The following SUN2 variants were observed in gnomAD, a reference collection of about 807,000 sequenced individuals.
The protein encoded by SUN2 is SUN domain-containing protein 2.
In SUN2, 60 loss-of-function variants were observed where a neutral mutation model predicts 100.0. The observed-to-expected ratio is 0.60, with a 90% CI of 0.49 to 0.74. The LOEUF is 0.74. SUN2 is among the 30% of genes least tolerant of loss of function. SUN2 has a pLI of 0.00. For missense variants in SUN2, 834 were observed against 954.6 expected (o/e 0.87, Z 1.66); for synonymous variants, 367 against 403.3 (o/e 0.91, Z 1.08).
intron 1 of SUN2, among the ~76,000 whole-genome samples, chr22:38,752,903 T>C (rs563275530): frequency 4.6e-5 from 7 of 152,376 alleles, no homozygotes; most frequent in Admixed American, 4.6e-4. Context: ...TTCGTGACTC[T>C]GGAGCCTCTT....
At position 38,735,028 on chromosome 22, in the gene SUN2, CTG is replaced by C. The variant is rs1331408902; in HGVS notation, c.*1237_*1238del. The C allele has an allele frequency of 3.4e-6, 1 of 295,614 alleles. No homozygotes were observed. Among genetic ancestry groups the C allele is most frequent in the South Asian group, 2.7e-5 (1 of 37,102 alleles). 18.3% of individuals were successfully genotyped at this position (295,614 alleles called of 1,614,324 possible). On this transcript the variant is annotated 3_prime_UTR_variant, in exon 18 of 18. Transcript: ENST00000689035. Reference sequence around the variant, plus strand: ...CCTCTCCACGGCCAGGAACAAGAAACTGAGTATCACCCAGTGCCCCACAGAAC... The same window carrying C: ...CCTCTCCACGGCCAGGAACAAGAAACAGTATCACCCAGTGCCCCACAGAAC...
At chr22:38,742,160 A>T in intron 9 of SUN2, 141 bp downstream of exon 9, 2 of 1,096,710 alleles carry the variant, frequency 1.8e-6, no homozygotes, top group Non-Finnish European at 2.5e-6. Context: ...AAAAAAAAAA[A>T]GAAAAAAAGA....
At chr22:38,754,870 G>A (rs1278281496) in intron 1 of SUN2, 4 of 1,289,252 alleles carry the variant, frequency 3.1e-6, no homozygotes, top group African/African-American at 1.5e-5. Flanking sequence ...TCTTTCCTGC[G>A]GCATCCTGGC....
In SUN2 at chr22:38,739,489, T is replaced by C; in HGVS notation, c.1579-63A>G. 1 of 1,581,484 alleles carries C rather than the reference T, an allele frequency of 6.3e-7. No individual in the cohort carries two copies. The highest frequency in any genetic ancestry group is 8.7e-7 in the Non-Finnish European group (1 of 1,155,938). On this transcript the variant is annotated intron_variant, in intron 13 of 17. Transcript: ENST00000689035. This position sits in a 1 kb window ranked among gnomAD's most constrained non-coding sequence, Gnocchi z 6.7. ...GCAGACGTGTCCCCCTGTCACCTCGTGGCCGTGGGCCAAGGACCCATGGGC... is the reference window on the plus strand; with the variant it reads ...GCAGACGTGTCCCCCTGTCACCTCGCGGCCGTGGGCCAAGGACCCATGGGC...
intron 9 of SUN2, 83 bp downstream of exon 9, chr22:38,742,218 A>G (rs1402519711): frequency 6.7e-7 from 1 of 1,489,106 alleles, no homozygotes; most frequent in Non-Finnish European, 9.0e-7. Flanking sequence ...CCCAAATGAC[A>G]CTTGTTCTCT....
Position 38,755,117 on chromosome 22 carries a change from A to G in SUN2, c.-38+646T>C. ...TTTCTCAATTCCGCCCTTCCCCATCACAAACATCTCCATCCATCTTCAGAC... is the reference window on the plus strand; with the variant it reads ...TTTCTCAATTCCGCCCTTCCCCATCGCAAACATCTCCATCCATCTTCAGAC... On this transcript the variant is annotated intron_variant, in intron 1 of 17. Transcript: ENST00000689035. The surrounding 1 kb of genome is among the most constrained non-coding windows in gnomAD (Gnocchi z 5.7). 1 of 979,762 alleles carries G rather than the reference A, an allele frequency of 1.0e-6. No homozygotes were observed. The highest frequency in any genetic ancestry group is 1.3e-6 in the Non-Finnish European group (1 of 748,412). 60.7% of individuals were successfully genotyped at this position (979,762 alleles called of 1,614,324 possible).
Position 38,736,345 on chromosome 22 carries a change from C to A in SUN2, c.2076G>T (p.Leu692=), listed in dbSNP as rs772316195. The A allele has an allele frequency of 6.2e-7, 1 of 1,613,880 alleles. No homozygotes were observed. The highest frequency in any genetic ancestry group is 2.2e-5 in the East Asian group (1 of 44,882). ...PTMATYQVVE[L]RILTNWGHPE... ...GGTGGCCCCAGTTAGTCAGGATCCGCAGCTCCACCACCTGGTACGTGGCCA... is the reference window on the plus strand; with the variant it reads ...GGTGGCCCCAGTTAGTCAGGATCCGAAGCTCCACCACCTGGTACGTGGCCA... The change falls in exon 18 of 18, where the codon CTG becomes CTT. Residue 692 remains leucine (L), a synonymous_variant. Transcript: ENST00000689035.
intron 10 of SUN2, 112 bp downstream of exon 10, chr22:38,741,382 T>A: frequency 8.9e-7 from 1 of 1,123,192 alleles, no homozygotes; most frequent in Non-Finnish European, 1.3e-6. Context: ...GGCACTCCCC[T>A]CCCCATGCAA....
At chr22:38,747,346 AAAG>A (rs1370339708) in intron 7 of SUN2, among the ~76,000 whole-genome samples, 27 of 152,038 alleles carry the variant, frequency 1.8e-4, no homozygotes, top group East Asian at 5.8e-4. Flanking sequence ...AAAAAAAAAA[AAAG>A]AAGAAGAATC....
At position 38,738,544 on chromosome 22, in the gene SUN2, C is replaced by T; in HGVS notation, c.1947+43G>A. The T allele has an allele frequency of 1.3e-6, 2 of 1,591,912 alleles. No homozygotes were observed. Among genetic ancestry groups the T allele is most frequent in the Admixed American group, 3.4e-5 (2 of 59,104 alleles). The stretch of plus-strand genomic sequence containing the variant: ...TCCTCAGTAGAGAGGCCCACAGGAT[C>T]CCCCTGCAGCCCCTCTGGCCCCACC... On this transcript the variant is annotated intron_variant, in intron 16 of 17. Transcript: ENST00000689035. The surrounding 1 kb of genome is among the most constrained non-coding windows in gnomAD (Gnocchi z 6.6).
intron 8 of SUN2, 95 bp from the exon 9 acceptor site, chr22:38,742,650 G>T: frequency 6.8e-7 from 1 of 1,463,284 alleles, no homozygotes; most frequent in South Asian, 1.3e-5. Flanking sequence ...GAAAGAAAGG[G>T]AAAAGATTCC....
Position 38,740,953 on chromosome 22 carries a change from G to A in SUN2, c.1190+54C>T. ...GCTCTGCTCCCCAGTCCTGCCTGGA[G>A]AGTGGGTGGGGCTGGGGAGGAGCAG... On this transcript the variant is annotated intron_variant, in intron 11 of 17. Transcript: ENST00000689035. This position sits in a 1 kb window ranked among gnomAD's most constrained non-coding sequence, Gnocchi z 4.8. 2 of 1,538,172 alleles carry A rather than the reference G, an allele frequency of 1.3e-6. No homozygotes were observed.
At chr22:38,747,481 A>G (rs1157006900) in intron 7 of SUN2, among the ~76,000 whole-genome samples, 1 of 152,270 alleles carries the variant, frequency 6.6e-6, no homozygotes, top group Admixed American at 6.5e-5. Flanking sequence ...TAATAAAAGA[A>G]ATACAAGTTG....
rs8136768 is a variant in SUN2, at chr22:38,742,610, C to T, written c.814-55G>A. 2,990 of 1,555,910 alleles carry T rather than the reference C, an allele frequency of 1.9e-3. 63 individuals are homozygous for T. The African/African-American group carries it at 0.036, about 19-fold the overall frequency. On this transcript the variant is annotated intron_variant, in intron 8 of 17. Coordinates refer to ENST00000689035, the MANE Select transcript of SUN2 (RefSeq NM_015374.3). ...GAGGGACCCTTGGATGATAGTGCTT[C>T]CCAAAGACCACCCCGACACAGCCAA...
chr22:38,740,986 C>T lies in SUN2; in HGVS notation c.1190+21G>A. 6.3e-7 allele frequency: 1 copy of T among 1,583,436 alleles called. No homozygotes were observed. The highest frequency in any genetic ancestry group is 8.6e-7 in the Non-Finnish European group (1 of 1,165,086). On this transcript the variant is annotated intron_variant, in intron 11 of 17. Coordinates refer to ENST00000689035, the MANE Select transcript of SUN2 (RefSeq NM_015374.3). The surrounding 1 kb of genome is among the most constrained non-coding windows in gnomAD (Gnocchi z 4.8). Reference sequence around the variant, plus strand: ...GGGGCTGGGGAGGAGCAGGCCGAGGCCAGCTGGTGGCGCCCAGTACCTTTG... The same window carrying T: ...GGGGCTGGGGAGGAGCAGGCCGAGGTCAGCTGGTGGCGCCCAGTACCTTTG...
Position 38,751,298 on chromosome 22 carries a change from G to A in SUN2, c.198C>T (p.His66=). The A allele has an allele frequency of 1.9e-6, 3 of 1,614,168 alleles. No homozygotes were observed. The highest frequency in any genetic ancestry group is 1.1e-5 in the South Asian group (1 of 91,092). ...APQLGPSSDA[H]TSYYSESLVH... is the part of the protein sequence containing the mutation. ...CCAGCGACTCACTGTAGTAGGAGGTGTGTGCATCAGAGGACGGGCCCAGCT... is the reference window on the plus strand; with the variant it reads ...CCAGCGACTCACTGTAGTAGGAGGTATGTGCATCAGAGGACGGGCCCAGCT... Residue 66 remains histidine (H), a synonymous_variant, in exon 3 of 18, where the codon CAC becomes CAT. Transcript: ENST00000689035.
At position 38,746,021 on chromosome 22, in the gene SUN2, C is replaced by A. The variant is rs550400815; in HGVS notation, c.686-210G>T. Among the ~76,000 whole-genome samples the A allele has an allele frequency of 2.6e-5, 4 of 152,316 alleles. No individual in the cohort carries two copies. The East Asian group carries it at 5.8e-4, about 22-fold the overall frequency. ...ACCTCAGAGCATATTCATTCTCACA[C>A]CCCCACGGGAATCCTTCATCTTTCT... On this transcript the variant is annotated intron_variant, in intron 7 of 17. Transcript: ENST00000689035.
rs554327159 is a variant in SUN2, at chr22:38,754,794, C to G, written c.-38+969G>C. The G allele has an allele frequency of 1.5e-4, 196 of 1,285,252 alleles. No homozygotes were observed. In the African/African-American group the frequency reaches 2.7e-3, roughly 18 times the overall value. 79.6% of individuals were successfully genotyped at this position (1,285,252 alleles called of 1,614,324 possible). A position where few individuals can be genotyped will look rare whatever the true frequency, so the allele number is the denominator to read the frequency against. Reference sequence around the variant, plus strand: ...ACTAAATATTCTGATGGAGGTTGAGCGGGGAGTGCTGAAAACTGTCAGCAC... The same window carrying G: ...ACTAAATATTCTGATGGAGGTTGAGGGGGGAGTGCTGAAAACTGTCAGCAC... On this transcript the variant is annotated intron_variant, in intron 1 of 17. Transcript: ENST00000689035.
In SUN2 at chr22:38,754,396, C is replaced by T. The variant is rs150258812; in HGVS notation, c.-38+1367G>A. Among the ~76,000 whole-genome samples the T allele has an allele frequency of 1.2e-3, 178 of 152,320 alleles. 2 individuals are homozygous for T. The highest frequency in any genetic ancestry group is 4.1e-3 in the African/African-American group (172 of 41,562). ...CTTCCCAACCCAGGCTGCAGAAACC[C>T]GAAGGTCTGGTTAGTCCAGCTAGAA... is the stretch of plus-strand genomic sequence containing the variant. On this transcript the variant is annotated intron_variant, in intron 1 of 17. Coordinates refer to ENST00000689035, the MANE Select transcript of SUN2 (RefSeq NM_015374.3).
Sources: gnomAD v4.1 joint callset for allele counts (sites outside exome capture counted in the v4.1 genomes callset) on GRCh38, gnomAD v4.1.1 for gene constraint, Gnocchi (gnomAD v3.1) non-coding constraint, MANE v1.5 for transcripts, NCBI Gene and HGNC (gene_info 2026-07-23, HGNC 2026-07-21) for gene names.